The following SEMA5A variants were observed in gnomAD, a reference collection of about 807,000 sequenced individuals.
SEMA5A encodes semaphorin-5A.
A neutral mutation model predicts 135.5 loss-of-function variants in SEMA5A; 55 were observed. That is an observed-to-expected ratio of 0.41 (90% CI 0.33 to 0.51). The LOEUF (loss-of-function observed/expected upper bound fraction) is 0.51. Among genes scored for constraint, SEMA5A ranks in the 20% least tolerant of loss-of-function variants. SEMA5A has a pLI of 0.37. For synonymous variants in SEMA5A, 580 were observed against 546.5 expected (o/e 1.06, Z -0.85); for missense variants, 1,290 against 1,419.9 (o/e 0.91, Z 1.47).
In SEMA5A at chr5:9,161,903, C is replaced by T. The variant is rs186618454; in HGVS notation, c.1274-7208G>A. Among the ~76,000 whole-genome samples, 372 of 152,296 alleles carry T rather than the reference C, an allele frequency of 2.4e-3. 1 individual carries two copies. The highest frequency in any genetic ancestry group is 2.1e-3 in the Non-Finnish European group (144 of 68,026). On this transcript the variant is annotated intron_variant, in intron 11 of 22. Transcript: ENST00000382496. ...ACCAAGGTGAAGTGACAGCTCACAGCTACACGGCCAGTAAATGTGGCCATG... is the reference window on the plus strand; with the variant it reads ...ACCAAGGTGAAGTGACAGCTCACAGTTACACGGCCAGTAAATGTGGCCATG...
At chr5:9,489,295 T>C (rs268522) in intron 1 of SEMA5A, among the ~76,000 whole-genome samples, 145,993 of 152,208 alleles carry the variant, frequency 0.96, 70,295 homozygotes, top group Non-Finnish European at 0.99. Flanking sequence ...GCTTACTAAA[T>C]GGCAGGTGCG....
intron 3 of SEMA5A, among the ~76,000 whole-genome samples, chr5:9,340,843 C>G (rs1753615704): frequency 6.6e-6 from 1 of 152,038 alleles, no homozygotes. Context: ...AGTCTCTGCA[C>G]CAACTCACCT....
intron 3 of SEMA5A, among the ~76,000 whole-genome samples, chr5:9,351,460 GC>G (rs1477237925): frequency 1.4e-5 from 2 of 146,944 alleles, no homozygotes; most frequent in Non-Finnish European, 3.0e-5. Flanking sequence ...ATATTTTATA[GC>G]CCCCACCGTT....
intron 13 of SEMA5A, among the ~76,000 whole-genome samples, chr5:9,123,681 A>G (rs1483553566): frequency 6.6e-6 from 1 of 152,196 alleles, no homozygotes; most frequent in Non-Finnish European, 1.5e-5. Flanking sequence ...ATTTATCATT[A>G]AAGACTTGGT....
chr5:9,108,438 G>C (rs1740047251), intron 15 of SEMA5A, 151 bp from the exon 16 acceptor site: 1 of 797,586 alleles, frequency 1.3e-6, no homozygotes, highest in African/African-American at 1.7e-5. Flanking sequence ...GCACCATACA[G>C]AAGGCAGATG....
chr5:9,211,030 T>C (rs924834344), intron 8 of SEMA5A, among the ~76,000 whole-genome samples: 8 of 152,196 alleles, frequency 5.3e-5, no homozygotes, highest in African/African-American at 1.9e-4. Context: ...CCACAAGGCA[T>C]AGGCAACTGG....
intron 16 of SEMA5A, among the ~76,000 whole-genome samples, chr5:9,072,536 CTG>C (rs888219205): frequency 2.6e-4 from 40 of 152,166 alleles, no homozygotes; most frequent in African/African-American, 9.4e-4. Flanking sequence ...AGAGGGAACA[CTG>C]TGTGTTACCC....
chr5:9,493,293 CTATCTATA>C (rs1408837236), intron 1 of SEMA5A, among the ~76,000 whole-genome samples: 1 of 150,104 alleles, frequency 6.7e-6, no homozygotes, highest in Non-Finnish European at 1.5e-5. Context: ...ATCTATCTAT[CTATCTATA>C]TATATAAAAC....
At chr5:9,215,891 T>C (rs1485089015) in intron 8 of SEMA5A, among the ~76,000 whole-genome samples, 1 of 152,186 alleles carries the variant, frequency 6.6e-6, no homozygotes, top group Non-Finnish European at 1.5e-5. Context: ...TTGATTTCCT[T>C]CAGTTCAGCT....
At chr5:9,516,780 C>G (rs550955213) in intron 1 of SEMA5A, 5 of 152,246 alleles carry the variant, frequency 3.3e-5, no homozygotes, top group African/African-American at 9.7e-5. Context: ...GCAGTGACCA[C>G]GGGCCATCCT....
chr5:9,086,230 T>A (rs569737404), intron 16 of SEMA5A, among the ~76,000 whole-genome samples: 2 of 152,064 alleles, frequency 1.3e-5, no homozygotes, highest in Non-Finnish European at 2.9e-5. Flanking sequence ...TGGGAAGGTA[T>A]GATTGGTTTT....
intron 1 of SEMA5A, among the ~76,000 whole-genome samples, chr5:9,511,044 G>A (rs2126845623): frequency 6.6e-6 from 1 of 152,188 alleles, no homozygotes; most frequent in East Asian, 1.9e-4. Context: ...TGTGTTTCCT[G>A]ATATCTAGTG....
At chr5:9,540,658 G>A (rs938385739) in intron 1 of SEMA5A, among the ~76,000 whole-genome samples, 14 of 152,120 alleles carry the variant, frequency 9.2e-5, no homozygotes, top group African/African-American at 2.9e-4. Context: ...TCTCAGTCCT[G>A]TAAAAGGAGT....
At chr5:9,537,558 C>T (rs540609774) in intron 1 of SEMA5A, among the ~76,000 whole-genome samples, 13 of 152,280 alleles carry the variant, frequency 8.5e-5, no homozygotes, top group African/African-American at 3.1e-4. Context: ...CTCCTTACCA[C>T]TCATGAAGGG....
intron 5 of SEMA5A, among the ~76,000 whole-genome samples, chr5:9,299,912 C>T (rs1751528679): frequency 6.6e-6 from 1 of 152,184 alleles, no homozygotes; most frequent in Non-Finnish European, 1.5e-5. Context: ...CTCAGTGGCC[C>T]TGCTCTAATG....
intron 4 of SEMA5A, among the ~76,000 whole-genome samples, chr5:9,323,215 A>T (rs902601813): frequency 6.6e-6 from 1 of 152,206 alleles, no homozygotes; most frequent in East Asian, 1.9e-4. Flanking sequence ...CAAATTCCCA[A>T]AAGACTGTGA....
chr5:9,384,643 G>C (rs113164626), intron 2 of SEMA5A, among the ~76,000 whole-genome samples: 6,229 of 93,762 alleles, frequency 0.066, 592 homozygotes, highest in African/African-American at 0.12. Flanking sequence ...TAGATAGATA[G>C]ATAGATAGAT....
At chr5:9,205,698 G>T (rs1313807772) in intron 8 of SEMA5A, among the ~76,000 whole-genome samples, 1 of 152,170 alleles carries the variant, frequency 6.6e-6, no homozygotes, top group Admixed American at 6.5e-5. Flanking sequence ...AAAATAATTT[G>T]TATTCAGTGT....
chr5:9,255,015 G>T (rs1204772680), intron 5 of SEMA5A, among the ~76,000 whole-genome samples: 1 of 152,134 alleles, frequency 6.6e-6, no homozygotes, highest in Non-Finnish European at 1.5e-5. Context: ...AACCAGCAAA[G>T]GCATCCATTG....
Sources: allele counts gnomAD v4.1 joint callset (sites outside exome capture counted in the v4.1 genomes callset), GRCh38; gene constraint gnomAD v4.1.1; transcripts MANE v1.5; gene names NCBI Gene and HGNC (gene_info 2026-07-23, HGNC 2026-07-21).